The following CWH43 variants were observed in gnomAD, a reference collection of about 807,000 sequenced individuals.
The protein encoded by CWH43 is PGAP2-interacting protein.
A neutral mutation model predicts 85.7 loss-of-function variants in CWH43; 91 were observed. The ratio of observed to expected loss-of-function variants is 1.06; its 90% CI spans 0.90 to 1.26. The LOEUF is 1.26. Ranked by LOEUF, CWH43 falls within the 50% of genes most tolerant of loss-of-function variation. The pLI is 0.00. For synonymous variants in CWH43, 323 were observed against 293.6 expected, an observed-to-expected ratio of 1.10 and a Z score of -1.02; for missense variants, 869 against 839.2, an observed-to-expected ratio of 1.04 and a Z score of -0.44.
At chr4:49,046,308 CCATTCATT>C (rs3038725) in intron 14 of CWH43, among the ~76,000 whole-genome samples, 36 of 150,610 alleles carry the variant, frequency 2.4e-4, no homozygotes, top group Middle Eastern at 6.9e-3. Context: ...GAGGGACTAA[CCATTCATT>C]CATTCATTCA....
chr4:49,040,365 G>A (rs1488927263), intron 13 of CWH43, among the ~76,000 whole-genome samples: 1 of 152,316 alleles, frequency 6.6e-6, no homozygotes, highest in African/African-American at 2.4e-5. Flanking sequence ...CCCACCAACA[G>A]TGTAAAAGTG....
rs576343216 is a variant in CWH43, at chr4:49,010,847, G to T, written c.1186+3521G>T. On this transcript the variant is annotated intron_variant, in intron 8 of 15. Coordinates refer to ENST00000226432, the MANE Select transcript of CWH43 (RefSeq NM_025087.3). ...TGCACTGTGATCTAAGAGACAGTTT[G>T]TTATGATTTTGGTTCTTTTATGTTT... is the stretch of plus-strand genomic sequence containing the variant. 5.9e-5 allele frequency among the ~76,000 whole-genome samples: 9 copies of T among 152,256 alleles called. No individual in the cohort carries two copies. The South Asian group carries it at 1.9e-3, about 32-fold the overall frequency.
intron 9 of CWH43, among the ~76,000 whole-genome samples, chr4:49,024,458 C>CT (rs1419874823): frequency 6.6e-6 from 1 of 151,944 alleles, no homozygotes; most frequent in Non-Finnish European, 1.5e-5. Context: ...GAGATTTATG[C>CT]TTTATGGAGA....
At chr4:49,005,306 G>A (rs1280165451) in intron 7 of CWH43, among the ~76,000 whole-genome samples, 1 of 152,090 alleles carries the variant, frequency 6.6e-6, no homozygotes, top group African/African-American at 2.4e-5. Context: ...CCATCACCCT[G>A]ACAGGGTACA....
chr4:48,988,380 A>C, intron 1 of CWH43, 97 bp from the exon 2 acceptor site: 1 of 896,560 alleles, frequency 1.1e-6, no homozygotes, highest in Non-Finnish European at 1.7e-6. Flanking sequence ...ATGAAGAAGA[A>C]TGACCAGCCC....
intron 2 of CWH43, 48 bp downstream of exon 2, chr4:48,988,716 T>G: frequency 8.2e-7 from 1 of 1,213,586 alleles, no homozygotes; most frequent in Non-Finnish European, 1.1e-6. Flanking sequence ...AAGTTAAAAA[T>G]CAAGTGAGAT....
At chr4:49,059,695 G>C (rs1371488585) in intron 15 of CWH43, among the ~76,000 whole-genome samples, 6 of 152,184 alleles carry the variant, frequency 3.9e-5, no homozygotes, top group Non-Finnish European at 8.8e-5. Flanking sequence ...CAACTTGCTT[G>C]GTGCCTGGAT....
chr4:49,016,769 C>T, intron 8 of CWH43: 1 of 777,196 alleles, frequency 1.3e-6, no homozygotes, highest in South Asian at 1.3e-5. Context: ...CATCTAGCTT[C>T]TTCCCAATGC....
chr4:49,020,869 G>A (rs1172055653), intron 9 of CWH43, among the ~76,000 whole-genome samples: 2 of 151,736 alleles, frequency 1.3e-5, no homozygotes, highest in African/African-American at 4.8e-5. Context: ...TTTGAGAATT[G>A]TCTATTCATG....
At chr4:49,001,562 G>A (rs1782990807) in intron 6 of CWH43, among the ~76,000 whole-genome samples, 1 of 152,138 alleles carries the variant, frequency 6.6e-6, no homozygotes, top group Non-Finnish European at 1.5e-5. Context: ...GCAATGGTAA[G>A]TGCTTACACT....
chr4:48,991,660 A>G, intron 3 of CWH43, 86 bp downstream of exon 3: 1 of 1,466,420 alleles, frequency 6.8e-7, no homozygotes, highest in Non-Finnish European at 9.3e-7. Context: ...TCCAGGTTAT[A>G]GTTTTTACCT....
intron 12 of CWH43, among the ~76,000 whole-genome samples, chr4:49,035,308 A>G (rs1199316682): frequency 1.3e-5 from 2 of 152,262 alleles, no homozygotes; most frequent in South Asian, 2.1e-4. Flanking sequence ...TTTAAAAAGT[A>G]CTGACTGCAC....
At chr4:49,060,995 C>T (rs548542659) in intron 15 of CWH43, among the ~76,000 whole-genome samples, 1 of 152,110 alleles carries the variant, frequency 6.6e-6, no homozygotes. Flanking sequence ...ATAAAGTATT[C>T]TTCTTAAAAT....
At chr4:49,012,387 G>A (rs1382905915) in intron 8 of CWH43, among the ~76,000 whole-genome samples, 1 of 152,162 alleles carries the variant, frequency 6.6e-6, no homozygotes, top group Non-Finnish European at 1.5e-5. Context: ...ATTTTTCAAG[G>A]TTTTTGGCTT....
intron 9 of CWH43, among the ~76,000 whole-genome samples, chr4:49,023,217 A>C (rs1459806824): frequency 6.6e-6 from 1 of 152,080 alleles, no homozygotes; most frequent in Non-Finnish European, 1.5e-5. Flanking sequence ...TGTATCCCAG[A>C]GGTTTTGATA....
intron 7 of CWH43, among the ~76,000 whole-genome samples, chr4:49,006,653 TTTG>T (rs1783166166): frequency 6.6e-6 from 1 of 152,206 alleles, no homozygotes; most frequent in Non-Finnish European, 1.5e-5. Context: ...TGTAAGCTAG[TTTG>T]TTGCATATCC....
intron 10 of CWH43, among the ~76,000 whole-genome samples, chr4:49,029,389 C>A (rs1784019963): frequency 6.6e-6 from 1 of 152,178 alleles, no homozygotes; most frequent in Non-Finnish European, 1.5e-5. Context: ...GGGCACAATG[C>A]ACTGCGGAAA....
chr4:48,995,494 CTT>C (rs770287810), intron 5 of CWH43, among the ~76,000 whole-genome samples: 2 of 152,214 alleles, frequency 1.3e-5, no homozygotes, highest in Non-Finnish European at 2.9e-5. Context: ...CCTCCGATAT[CTT>C]TTCTCTCTTG....
intron 10 of CWH43, among the ~76,000 whole-genome samples, chr4:49,029,685 C>T (rs947075349): frequency 5.9e-5 from 9 of 152,222 alleles, no homozygotes; most frequent in African/African-American, 2.2e-4. Flanking sequence ...CGCCCTGTGG[C>T]TGGAGGTGAG....
Sources: gnomAD v4.1 joint callset for allele counts (sites outside exome capture counted in the v4.1 genomes callset) on GRCh38, gnomAD v4.1.1 for gene constraint, MANE v1.5 for transcripts, NCBI Gene and HGNC (gene_info 2026-07-23, HGNC 2026-07-21) for gene names.